The following STAG2 variants were observed in gnomAD, a reference collection of about 807,000 sequenced individuals.
STAG2 encodes cohesin subunit SA-2.
In STAG2, 14 loss-of-function variants were observed where a neutral mutation model predicts 108.1. The observed-to-expected ratio is 0.13, with a 90% CI of 0.09 to 0.20. The LOEUF (loss-of-function observed/expected upper bound fraction) is 0.20, where lower values mean the gene tolerates loss of function less well. Ranked by LOEUF, STAG2 falls within the 10% of genes least tolerant of loss-of-function variation. The pLI, the probability that STAG2 is intolerant of heterozygous loss-of-function variation, is 1.00. For missense variants in STAG2, 440 were observed against 940.9 expected (o/e 0.47, Z 6.96); for synonymous variants, 307 against 302.7 (o/e 1.01, Z -0.15).
At position 124,083,531 on chromosome X, in the gene STAG2, G is replaced by A. The variant is rs2148446496; in HGVS notation, c.3035G>A (p.Arg1012Gln). The A allele has an allele frequency of 8.4e-7, 1 of 1,188,263 alleles. No individual in the cohort carries two copies. Among genetic ancestry groups the A allele is most frequent in the Non-Finnish European group, 1.1e-6 (1 of 883,346 alleles). The change falls in exon 29 of 35, where the codon CGA becomes CAA. Residue 1012 changes from arginine to glutamine, a missense_variant. Arg to Gln is a conservative substitution (Grantham distance 43). Coordinates refer to ENST00000371145, the MANE Select transcript of STAG2 (RefSeq NM_001042750.2). ...ILSEFSSKLL[R>Q]QDKRTVYVYL... ...AGTGAATTTTCTTCTAAACTACTTC[G>A]ACAAGACAAAAGAACAGTGTATGTA...
intron 1 of STAG2, among the ~76,000 whole-genome samples, chrX:124,005,303 A>G (rs771193026): frequency 9.8e-5 from 11 of 111,843 alleles, no homozygotes; most frequent in Admixed American, 3.8e-4. Context: ...TTAGATAACT[A>G]TGTTTGCATG....
At position 124,100,619 on chromosome X, in the gene STAG2, G is replaced by A; in HGVS notation, c.*22G>A. 5 of 1,158,191 alleles carry A rather than the reference G, an allele frequency of 4.3e-6. No individual in the cohort carries two copies. ...TTAATACCAGTACACAATTAAATCT[G>A]TGGTGAAGTCATTTTCTAAGTGGAA... On this transcript the variant is annotated 3_prime_UTR_variant, in exon 35 of 35. Coordinates refer to ENST00000371145, the MANE Select transcript of STAG2 (RefSeq NM_001042750.2).
chrX:124,095,753 A>G (rs758955602), intron 34 of STAG2, among the ~76,000 whole-genome samples: 1 of 111,403 alleles, frequency 9.0e-6, no homozygotes, highest in Non-Finnish European at 1.9e-5. Context: ...TAAATAAGGT[A>G]ATGGCATGAT....
At chrX:123,982,893 T>C (rs1214685220) in intron 1 of STAG2, among the ~76,000 whole-genome samples, 1 of 110,507 alleles carries the variant, frequency 9.0e-6, no homozygotes, top group Admixed American at 9.8e-5. Context: ...CCTATCTAAT[T>C]GTGTCCAGCA....
chrX:123,998,448 G>T (rs1465642324), intron 1 of STAG2, among the ~76,000 whole-genome samples: 1 of 106,974 alleles, frequency 9.3e-6, no homozygotes, highest in Non-Finnish European at 1.9e-5. Context: ...TGGGATTACA[G>T]GTGTGAGCCA....
At chrX:123,961,299 A>ACCC (rs760265846), upstream of STAG2, 1 of 79,366 alleles carries the variant, frequency 1.3e-5, no homozygotes, top group Non-Finnish European at 2.6e-5. Context: ...CTCTACGGAG[A>ACCC]CCCCCCCCCC....
At chrX:124,026,085 A>T (rs921619869) in intron 4 of STAG2, among the ~76,000 whole-genome samples, 167 bp downstream of exon 4, 6 of 106,098 alleles carry the variant, frequency 5.7e-5, no homozygotes, top group Non-Finnish European at 9.7e-5. Context: ...TGTCTTCTAG[A>T]CCAGGTAGCC....
intron 10 of STAG2, 148 bp from the exon 11 acceptor site, chrX:124,050,038 C>A: frequency 1.6e-6 from 1 of 642,491 alleles, no homozygotes; most frequent in South Asian, 4.2e-5. Context: ...GCATTCAGGC[C>A]CATGCTTCAT....
intron 27 of STAG2, among the ~76,000 whole-genome samples, chrX:124,079,966 A>AT (rs923308070): frequency 1.0e-4 from 11 of 106,346 alleles, no homozygotes; most frequent in Non-Finnish European, 3.9e-5. Context: ...AGGTTCATTT[A>AT]TTTTTTTTTC....
In STAG2 at chrX:124,100,883, TAAAA is replaced by T. The variant is rs67492414; in HGVS notation, c.*298_*301del. On this transcript the variant is annotated 3_prime_UTR_variant, in exon 35 of 35. Coordinates refer to ENST00000371145, the MANE Select transcript of STAG2 (RefSeq NM_001042750.2). ...GAATCGATTATTTCATGCTTTTTTT[TAAAA>T]AAAAAAAAAAACAAAATAACAATCT... 5 of 167,817 alleles carry T rather than the reference TAAAA, an allele frequency of 3.0e-5. No homozygotes were observed. The highest frequency in any genetic ancestry group is 1.0e-4 in the African/African-American group (3 of 29,018). 13.8% of individuals were successfully genotyped at this position (167,817 alleles called of 1,213,427 possible).
In STAG2 at chrX:124,005,973, A is replaced by G. The variant is rs749891484; in HGVS notation, c.-162-15394A>G. On this transcript the variant is annotated intron_variant, in intron 1 of 34. Transcript: ENST00000371145. Reference sequence around the variant, plus strand: ...CTCCCATCTCTGCCTTCATTTTCACATGGTGTTCTCCTTGTGTGTATGTCT... The same window carrying G: ...CTCCCATCTCTGCCTTCATTTTCACGTGGTGTTCTCCTTGTGTGTATGTCT... Among the ~76,000 whole-genome samples the G allele has an allele frequency of 1.4e-3, 155 of 111,313 alleles. 1 individual carries two copies. The highest frequency in any genetic ancestry group is 4.8e-3 in the African/African-American group (146 of 30,606).
At chrX:124,052,656 T>G (rs2058077766) in intron 13 of STAG2, among the ~76,000 whole-genome samples, 1 of 111,462 alleles carries the variant, frequency 9.0e-6, no homozygotes. Flanking sequence ...AGTATCTGTT[T>G]GAGTCTCTGC....
intron 34 of STAG2, among the ~76,000 whole-genome samples, chrX:124,097,179 C>CAAAAAAAA (rs56942682): frequency 2.6e-5 from 1 of 38,194 alleles, no homozygotes; most frequent in African/African-American, 1.2e-4. Context: ...GACCCTGTCT[C>CAAAAAAAA]AAAAAAAAAA....
intron 1 of STAG2, among the ~76,000 whole-genome samples, chrX:123,966,029 A>G (rs1271887793): frequency 9.0e-6 from 1 of 110,845 alleles, no homozygotes; most frequent in Non-Finnish European, 1.9e-5. Flanking sequence ...TAAAATGTAC[A>G]GTTTACTATA....
Position 124,100,599 on chromosome X carries a change from A to C in STAG2, c.*2A>C. On this transcript the variant is annotated 3_prime_UTR_variant, in exon 35 of 35. Transcript: ENST00000371145. ...GTTCTTGGAGTGTCAATGTTTTAAT[A>C]CCAGTACACAATTAAATCTGTGGTG... 1 of 1,191,150 alleles carries C rather than the reference A, an allele frequency of 8.4e-7. No individual in the cohort carries two copies. The highest frequency in any genetic ancestry group is 1.1e-6 in the Non-Finnish European group (1 of 878,209).
intron 1 of STAG2, among the ~76,000 whole-genome samples, chrX:124,013,657 C>T (rs1338911001): frequency 9.0e-6 from 1 of 111,168 alleles, no homozygotes; most frequent in Non-Finnish European, 1.9e-5. Flanking sequence ...TGTCTAGCAG[C>T]AGCCAGTGCC....
At chrX:123,996,562 A>G (rs1331801844) in intron 1 of STAG2, among the ~76,000 whole-genome samples, 2 of 111,013 alleles carry the variant, frequency 1.8e-5, no homozygotes, top group Non-Finnish European at 3.8e-5. Flanking sequence ...CTCCCCAACC[A>G]TAGCCCCTGG....
chrX:124,004,300 C>T (rs1050516826), intron 1 of STAG2, among the ~76,000 whole-genome samples: 24 of 111,822 alleles, frequency 2.1e-4, no homozygotes, highest in Admixed American at 9.5e-5. Flanking sequence ...GTGTACTGCT[C>T]TCCAGATCCT....
chrX:124,098,421 C>T (rs1170954452), intron 34 of STAG2, among the ~76,000 whole-genome samples: 2 of 111,107 alleles, frequency 1.8e-5, no homozygotes, highest in Admixed American at 1.9e-4. Flanking sequence ...AACTATACTC[C>T]ATACTGTCTT....
Sources: allele counts gnomAD v4.1 joint callset (sites outside exome capture counted in the v4.1 genomes callset), GRCh38; gene constraint gnomAD v4.1.1; transcripts MANE v1.5; gene names NCBI Gene and HGNC (gene_info 2026-07-23, HGNC 2026-07-21).